Variants in SKP1 observed in about 807,000 individuals in gnomAD.
The protein encoded by SKP1 is S-phase kinase-associated protein 1.
In SKP1, 1 loss-of-function variant was observed where a neutral mutation model predicts 21.5. That is an observed-to-expected ratio of 0.05 (90% CI 0.02 to 0.22). SKP1 has a LOEUF of 0.22. SKP1 is among the 10% of genes least tolerant of loss of function. The pLI, the probability that SKP1 is intolerant of heterozygous loss-of-function variation, is 1.00. For missense variants in SKP1, 70 were observed against 192.0 expected (o/e 0.36, Z 3.76); for synonymous variants, 59 against 59.3 (o/e 0.99, Z 0.03).
intron 3 of SKP1, chr5:134,161,623 A>G (rs1192631450): frequency 1.3e-5 from 2 of 152,478 alleles, no homozygotes; most frequent in African/African-American, 4.8e-5. Context: ...TTGTTGGGCA[A>G]TAGTGGAAAG....
Position 134,152,775 on chromosome 5 carries a change from C to T in SKP1, c.*4958G>A, listed in dbSNP as rs1242782742. The T allele has an allele frequency of 6.6e-6, 1 of 152,310 alleles. No homozygotes were observed. Among genetic ancestry groups the T allele is most frequent in the African/African-American group, 2.4e-5 (1 of 41,462 alleles). The allele number at this position is 152,310 out of a possible 1,614,324, so 9.4% of individuals were successfully genotyped here. On this transcript the variant is annotated 3_prime_UTR_variant, in exon 6 of 6. Transcript: ENST00000353411. Reference sequence around the variant, plus strand: ...CAGGATGGTCTCGATCTCTTGACCTCGTGATCTGCACACCTCAGCCTCTGA... The same window carrying T: ...CAGGATGGTCTCGATCTCTTGACCTTGTGATCTGCACACCTCAGCCTCTGA...
intron 2 of SKP1, chr5:134,171,060 T>C (rs372387767): frequency 1.1e-4 from 49 of 455,874 alleles, no homozygotes; most frequent in African/African-American, 8.8e-4. Flanking sequence ...ACCAAGGAGT[T>C]TACAACTTAA....
At chr5:134,168,618 C>G (rs1395452413) in intron 2 of SKP1, among the ~76,000 whole-genome samples, 4 of 152,112 alleles carry the variant, frequency 2.6e-5, no homozygotes, top group African/African-American at 9.7e-5. Context: ...AATCCAGGCA[C>G]AAGATGATAG....
rs980165958 is a variant in SKP1 at position 134,151,885 on chromosome 5, T to C, written c.*5848A>G. On this transcript the variant is annotated 3_prime_UTR_variant, in exon 6 of 6. Transcript: ENST00000353411. Reference sequence around the variant, plus strand: ...TGGAAGTGTGTCAAGCAAGAGCACCTTCGACAACACTTTTCGGCCACCACT... The same window carrying C: ...TGGAAGTGTGTCAAGCAAGAGCACCCTCGACAACACTTTTCGGCCACCACT... 3.1e-6 allele frequency: 1 copy of C among 318,058 alleles called. No individual in the cohort carries two copies. The highest frequency in any genetic ancestry group is 6.5e-6 in the Non-Finnish European group (1 of 154,766). The allele number at this position is 318,058 out of a possible 1,614,324, so 19.7% of individuals were successfully genotyped here.
chr5:134,160,965 A>G, intron 4 of SKP1, 22 bp downstream of exon 4: 2 of 1,583,994 alleles, frequency 1.3e-6, no homozygotes, highest in Non-Finnish European at 8.6e-7. Flanking sequence ...GAGTAGAGCT[A>G]TCTTACACAT....
Position 134,156,599 on chromosome 5 carries a change from A to C in SKP1, c.*1134T>G, listed in dbSNP as rs1285138180. The C allele has an allele frequency of 2.6e-5, 4 of 152,350 alleles. No individual in the cohort carries two copies. The highest frequency in any genetic ancestry group is 4.8e-5 in the African/African-American group (2 of 41,584). 9.4% of individuals were successfully genotyped at this position (152,350 alleles called of 1,614,324 possible). A position where few individuals can be genotyped will look rare whatever the true frequency, so the allele number is the denominator to read the frequency against. On this transcript the variant is annotated 3_prime_UTR_variant, in exon 6 of 6. Transcript: ENST00000353411. ...GCACAAGGAAGAAAAAAAAATCAAA[A>C]TTTGTGAGCCATCTCAAGCCATCAA...
At position 134,167,200 on chromosome 5, in the gene SKP1, T is replaced by C. The variant is rs756453088; in HGVS notation, c.141A>G (p.Leu47=). 27 of 1,607,664 alleles carry C rather than the reference T, an allele frequency of 1.7e-5. No individual in the cohort carries two copies. The highest frequency in any genetic ancestry group is 2.2e-5 in the Non-Finnish European group (26 of 1,174,300). ...DDEGDDDPVP[L]PNVNAAILKK... is the part of the protein sequence containing the mutation. ...TTAATATTGCTGCATTCACATTTGGTAGAGGAACTGGGTCATCATCTCCTT... is the reference window on the plus strand; with the variant it reads ...TTAATATTGCTGCATTCACATTTGGCAGAGGAACTGGGTCATCATCTCCTT... Residue 47 remains leucine, a synonymous_variant, in exon 3 of 6, where the codon CTA becomes CTG. Coordinates refer to ENST00000353411, the MANE Select transcript of SKP1 (RefSeq NM_170679.3).
Position 134,167,216 on chromosome 5 carries a change from T to C in SKP1, c.125A>G (p.Asp42Gly). 6.2e-7 allele frequency: 1 copy of C among 1,606,222 alleles called. No homozygotes were observed. Among genetic ancestry groups the C allele is most frequent in the South Asian group, 1.1e-5 (1 of 90,830 alleles). ...EDLGMDDEGD[D>G]DPVPLPNVNA... ...CACATTTGGTAGAGGAACTGGGTCA[T>C]CATCTCCTTCATCATCCATTCCCAA... Residue 42 changes from aspartate (D) to glycine (G), a missense_variant, in exon 3 of 6, where the codon GAT becomes GGT. Transcript: ENST00000353411.
intron 4 of SKP1, among the ~76,000 whole-genome samples, chr5:134,159,197 G>A (rs1032059014): frequency 3.3e-5 from 5 of 151,990 alleles, no homozygotes; most frequent in East Asian, 1.9e-4. Flanking sequence ...GCATCTCACC[G>A]ATTTTTCATG....
intron 3 of SKP1, 84 bp from the exon 4 acceptor site, chr5:134,161,214 G>T: frequency 8.3e-7 from 1 of 1,201,378 alleles, no homozygotes; most frequent in East Asian, 2.4e-5. Context: ...CCCTATATTG[G>T]AATAATAACT....
intron 1 of SKP1, chr5:134,175,221 T>C (rs1761516593): frequency 6.6e-6 from 1 of 152,198 alleles, no homozygotes; most frequent in African/African-American, 2.4e-5. Context: ...AGCAAACAGG[T>C]TGTTAGGCAA....
At chr5:134,173,568 A>G (rs747148340) in intron 2 of SKP1, 15 of 371,514 alleles carry the variant, frequency 4.0e-5, no homozygotes, top group Non-Finnish European at 7.3e-5. Context: ...TGTTCTATTC[A>G]GCCACCATTA....
At chr5:134,167,133 T>A (rs750875659) in intron 3 of SKP1, 37 bp downstream of exon 3, 1 of 1,055,542 alleles carries the variant, frequency 9.5e-7, no homozygotes, top group South Asian at 1.3e-5. Flanking sequence ...GTGTTATATA[T>A]TAAGCAGAAT....
chr5:134,163,945 G>A (rs1023442023), intron 3 of SKP1, among the ~76,000 whole-genome samples: 1 of 152,018 alleles, frequency 6.6e-6, no homozygotes, highest in Non-Finnish European at 1.5e-5. Context: ...AAAAAGGCAG[G>A]GCATGCTCTT....
At chr5:134,158,400 G>A (rs1346048821) in intron 5 of SKP1, 55 bp downstream of exon 5, 13 of 1,613,280 alleles carry the variant, frequency 8.1e-6, no homozygotes, top group Admixed American at 1.7e-5. Flanking sequence ...CATGTTATAG[G>A]TGTTACTCCC....
At chr5:134,171,546 G>C (rs980663961) in intron 2 of SKP1, among the ~76,000 whole-genome samples, 1 of 152,132 alleles carries the variant, frequency 6.6e-6, no homozygotes, top group African/African-American at 2.4e-5. Flanking sequence ...GCTACTAGTA[G>C]ATCTTCTGAA....
chr5:134,167,684 C>T (rs1168669693), intron 2 of SKP1, among the ~76,000 whole-genome samples: 1 of 152,090 alleles, frequency 6.6e-6, no homozygotes, highest in African/African-American at 2.4e-5. Flanking sequence ...CCACCACGCC[C>T]GGCTAATTTT....
At chr5:134,159,467 A>G (rs1224523059) in intron 4 of SKP1, among the ~76,000 whole-genome samples, 2 of 150,526 alleles carry the variant, frequency 1.3e-5, no homozygotes, top group Non-Finnish European at 3.0e-5. Flanking sequence ...TGCAATCTCT[A>G]CCTCCTAGGT....
chr5:134,152,213 A>T lies in SKP1; in HGVS notation c.*5520T>A, dbSNP rs1761054309. The T allele has an allele frequency of 6.8e-6, 1 of 147,294 alleles. No individual in the cohort carries two copies. Among genetic ancestry groups the T allele is most frequent in the African/African-American group, 2.7e-5 (1 of 37,460 alleles). 9.1% of individuals were successfully genotyped at this position (147,294 alleles called of 1,614,324 possible). ...ATAAATAAAAATTAAAATTAAAAAA[A>T]TTAGAATTTAGCTCACTCAAAAATT... On this transcript the variant is annotated 3_prime_UTR_variant, in exon 6 of 6. Transcript: ENST00000353411.
Sources: allele counts gnomAD v4.1 joint callset (sites outside exome capture counted in the v4.1 genomes callset), GRCh38; gene constraint gnomAD v4.1.1; transcripts MANE v1.5; gene names NCBI Gene and HGNC (gene_info 2026-07-23, HGNC 2026-07-21).